PEX14: variants seen among roughly 807,000 people sequenced by gnomAD.
The protein encoded by PEX14 is peroxisomal biogenesis factor 14.
A neutral mutation model predicts 49.5 loss-of-function variants in PEX14; 15 were observed. That is an observed-to-expected ratio of 0.30 (90% CI 0.20 to 0.47). PEX14 has a LOEUF of 0.47. Ranked by LOEUF, PEX14 falls within the 20% of genes least tolerant of loss-of-function variation. PEX14 has a pLI of 1.00. For missense variants in PEX14, 398 were observed against 494.8 expected, an observed-to-expected ratio of 0.80 and a Z score of 1.86; for synonymous variants, 210 against 212.7, an observed-to-expected ratio of 0.99 and a Z score of 0.11.
intron 3 of PEX14, 86 bp from the exon 4 acceptor site, chr1:10,599,152 A>G (rs1377968916): frequency 2.9e-6 from 4 of 1,381,904 alleles, no homozygotes; most frequent in East Asian, 2.3e-5. Context: ...CTGTGGCTGT[A>G]AAGGTCTTTG....
intron 1 of PEX14, among the ~76,000 whole-genome samples, chr1:10,493,869 A>G (rs1641512312): frequency 6.6e-6 from 1 of 152,230 alleles, no homozygotes; most frequent in Non-Finnish European, 1.5e-5. Flanking sequence ...TGCTGGAAGA[A>G]GACATATGTG....
chr1:10,525,840 G>C (rs1638457258), intron 2 of PEX14, among the ~76,000 whole-genome samples: 1 of 151,966 alleles, frequency 6.6e-6, no homozygotes, highest in Non-Finnish European at 1.5e-5. Context: ...TGGCCAGGCT[G>C]ATCTCGAACT....
intron 3 of PEX14, among the ~76,000 whole-genome samples, chr1:10,576,108 C>A (rs1238155314): frequency 6.6e-6 from 1 of 152,026 alleles, no homozygotes; most frequent in Non-Finnish European, 1.5e-5. Flanking sequence ...TTTTTAAATA[C>A]CCTTTATATA....
rs530944257 is a variant in PEX14, at chr1:10,478,480, CT to C, written c.36+3483del. On this transcript the variant is annotated intron_variant, in intron 1 of 8. Transcript: ENST00000356607. ...CTTTTGCATTTCAGGAACATACTTACTTTTTCATAATGGTATAGTCTTTTTA... is the reference window on the plus strand; with the variant it reads ...CTTTTGCATTTCAGGAACATACTTACTTTTCATAATGGTATAGTCTTTTTA... Among the ~76,000 whole-genome samples, 171 of 152,256 alleles carry C rather than the reference CT, an allele frequency of 1.1e-3. 2 individuals are homozygous for C. The highest frequency in any genetic ancestry group is 3.9e-3 in the African/African-American group (163 of 41,556).
intron 3 of PEX14, among the ~76,000 whole-genome samples, chr1:10,552,473 C>T (rs1204351739): frequency 1.3e-5 from 2 of 152,134 alleles, no homozygotes; most frequent in South Asian, 2.1e-4. Flanking sequence ...GATTCATTTA[C>T]TCTAAGTTTG....
intron 3 of PEX14, among the ~76,000 whole-genome samples, chr1:10,592,140 T>C (rs1313279348): frequency 6.6e-6 from 1 of 152,210 alleles, no homozygotes; most frequent in Admixed American, 6.5e-5. Context: ...AATTTGACTT[T>C]TCCATGCATG....
At chr1:10,577,586 T>A (rs1228268281) in intron 3 of PEX14, among the ~76,000 whole-genome samples, 892 of 20,236 alleles carry the variant, frequency 0.044, 97 homozygotes, top group Non-Finnish European at 0.06. Context: ...TTTTTTTTTT[T>A]TTTTTTTTTT....
intron 4 of PEX14, among the ~76,000 whole-genome samples, chr1:10,615,529 G>A (rs1207195315): frequency 6.6e-6 from 1 of 152,248 alleles, no homozygotes; most frequent in East Asian, 1.9e-4. Flanking sequence ...GCAGCCGTGG[G>A]GAAGCAGGCA....
At position 10,628,681 on chromosome 1, in the gene PEX14, G is replaced by A. The variant is rs115655918; in HGVS notation, c.678-850G>A. Among the ~76,000 whole-genome samples, 81 of 152,358 alleles carry A rather than the reference G, an allele frequency of 5.3e-4. No individual in the cohort carries two copies. Among genetic ancestry groups the A allele is most frequent in the African/African-American group, 1.9e-3 (78 of 41,580 alleles). On this transcript the variant is annotated intron_variant, in intron 8 of 8. Coordinates refer to ENST00000356607, the MANE Select transcript of PEX14 (RefSeq NM_004565.3). This position sits in a 1 kb window ranked among gnomAD's most constrained non-coding sequence, Gnocchi z 4.5. ...ACTGCACATGGAATTTCTTGTTAGC[G>A]TTTAGGATGCTGGTGAATAAAGCAG... is the stretch of plus-strand genomic sequence containing the variant.
chr1:10,534,393 CCT>C (rs1638737761), intron 2 of PEX14, among the ~76,000 whole-genome samples: 1 of 152,014 alleles, frequency 6.6e-6, no homozygotes, highest in South Asian at 2.1e-4. Context: ...TCCTTTTCCC[CCT>C]CTCTCCTGTT....
At chr1:10,527,210 T>C (rs1302262473) in intron 2 of PEX14, among the ~76,000 whole-genome samples, 2 of 36,412 alleles carry the variant, frequency 5.5e-5, no homozygotes, top group Non-Finnish European at 8.5e-5. Flanking sequence ...AGACTCTGTC[T>C]CAAAAAAAAA....
intron 3 of PEX14, among the ~76,000 whole-genome samples, chr1:10,565,540 C>T (rs957008255): frequency 6.6e-6 from 1 of 152,208 alleles, no homozygotes; most frequent in African/African-American, 2.4e-5. Flanking sequence ...CGCAGAAAGC[C>T]TCTCAATGCT....
At chr1:10,580,873 G>C (rs187820789) in intron 3 of PEX14, among the ~76,000 whole-genome samples, 1 of 151,758 alleles carries the variant, frequency 6.6e-6, no homozygotes, top group Non-Finnish European at 1.5e-5. Flanking sequence ...TATAAAAGTA[G>C]TACCTTATTT....
At chr1:10,618,814 G>A (rs1437534029) in intron 5 of PEX14, among the ~76,000 whole-genome samples, 1 of 152,210 alleles carries the variant, frequency 6.6e-6, no homozygotes, top group Admixed American at 6.5e-5. Flanking sequence ...GCTGAGCCCT[G>A]GCTCTGCCCC....
intron 2 of PEX14, among the ~76,000 whole-genome samples, chr1:10,527,842 A>AT (rs1015091711): frequency 1.5e-4 from 22 of 151,408 alleles, no homozygotes; most frequent in African/African-American, 3.4e-4. Flanking sequence ...TAATTTTTGT[A>AT]TTTTTTTTAG....
At chr1:10,561,845 T>C (rs1334550905) in intron 3 of PEX14, among the ~76,000 whole-genome samples, 2 of 152,186 alleles carry the variant, frequency 1.3e-5, no homozygotes, top group African/African-American at 2.4e-5. Context: ...TCTCTCCTCT[T>C]TCCTCTTCTG....
intron 2 of PEX14, among the ~76,000 whole-genome samples, chr1:10,515,233 A>T (rs185672186): frequency 3.9e-5 from 6 of 152,036 alleles, no homozygotes; most frequent in Admixed American, 3.9e-4. Context: ...TAAAACTCTG[A>T]CTTTTTTTTT....
intron 4 of PEX14, among the ~76,000 whole-genome samples, chr1:10,614,147 G>A (rs1002312483): frequency 2.0e-5 from 3 of 152,236 alleles, no homozygotes; most frequent in African/African-American, 7.2e-5. Flanking sequence ...TGTTTTTGCA[G>A]TAGCCTGGTC....
At chr1:10,533,205 T>A (rs183658757) in intron 2 of PEX14, among the ~76,000 whole-genome samples, 1 of 152,162 alleles carries the variant, frequency 6.6e-6, no homozygotes, top group East Asian at 1.9e-4. Flanking sequence ...GCTATTTGAG[T>A]GCTTTATATT....
Sources: gnomAD v4.1 joint callset for allele counts (sites outside exome capture counted in the v4.1 genomes callset) on GRCh38, gnomAD v4.1.1 for gene constraint, Gnocchi (gnomAD v3.1) non-coding constraint, MANE v1.5 for transcripts, NCBI Gene and HGNC (gene_info 2026-07-23, HGNC 2026-07-21) for gene names.